Variants in KCNU1 observed in about 807,000 individuals in gnomAD.
KCNU1 encodes the protein potassium calcium-activated channel subfamily U member 1.
In KCNU1, 93 loss-of-function variants were observed where a neutral mutation model predicts 126.8. That is an observed-to-expected ratio of 0.73 (90% CI 0.62 to 0.87). The LOEUF (loss-of-function observed/expected upper bound fraction) is 0.87. Ranked by LOEUF, KCNU1 falls within the 40% of genes least tolerant of loss-of-function variation. KCNU1 has a pLI of 0.00. For missense variants in KCNU1, 1,330 were observed against 1,367.1 expected, an observed-to-expected ratio of 0.97 and a Z score of 0.43; for synonymous variants, 523 against 494.2, an observed-to-expected ratio of 1.06 and a Z score of -0.77.
chr8:36,898,547 C>A (rs2117476980), intron 19 of KCNU1, among the ~76,000 whole-genome samples: 1 of 151,894 alleles, frequency 6.6e-6, no homozygotes, highest in Non-Finnish European at 1.5e-5. Flanking sequence ...CTCCGATTCC[C>A]CATCTCCATA....
chr8:36,911,385 AT>A (rs1382157642), intron 22 of KCNU1, among the ~76,000 whole-genome samples: 2 of 152,132 alleles, frequency 1.3e-5, no homozygotes, highest in African/African-American at 4.8e-5. Context: ...AAATAACATA[AT>A]TTTGAAGTGT....
In KCNU1 at chr8:36,909,342, G is replaced by A. The variant is rs760952124; in HGVS notation, c.2138G>A (p.Arg713Gln). 91 of 1,613,352 alleles carry A rather than the reference G, an allele frequency of 5.6e-5. No individual in the cohort carries two copies. The highest frequency in any genetic ancestry group is 8.3e-5 in the Admixed American group (5 of 59,982). Residue 713 changes from arginine (R) to glutamine (Q), a missense_variant, in exon 21 of 27, where the codon CGG becomes CAG. Arg to Gln is a conservative substitution (Grantham distance 43, BLOSUM62 1). Around this residue, in one of 3 missense-constraint regions of KCNU1, gnomAD observed 1,054 missense variants for 1,053.9 expected, o/e 1.00. Transcript: ENST00000399881. ...KRTGKSKYKFRNHIVACVFGD... is the reference protein window; with the variant it reads ...KRTGKSKYKFQNHIVACVFGD... ...ACTGGCAAGTCAAAGTATAAGTTTC[G>A]GAACCATATTGTAGCATGTGTATTT...
Position 36,787,300 on chromosome 8 carries a change from T to C in KCNU1, c.196-6T>C. On this transcript the variant is annotated splice_polypyrimidine_tract_variant and splice_region_variant and intron_variant, in intron 1 of 26. Coordinates refer to ENST00000399881, the MANE Select transcript of KCNU1 (RefSeq NM_001031836.3). ...CACATTGTCAATTTCTTTCTCTTGATTGTAGGAACTGTTCACATCAGGTAC... is the reference window on the plus strand; with the variant it reads ...CACATTGTCAATTTCTTTCTCTTGACTGTAGGAACTGTTCACATCAGGTAC... 1 of 1,604,718 alleles carries C rather than the reference T, an allele frequency of 6.2e-7. No homozygotes were observed. The highest frequency in any genetic ancestry group is 8.5e-7 in the Non-Finnish European group (1 of 1,175,082).
At chr8:36,800,449 C>T (rs1803262546) in intron 2 of KCNU1, among the ~76,000 whole-genome samples, 1 of 152,186 alleles carries the variant, frequency 6.6e-6, no homozygotes, top group South Asian at 2.1e-4. Flanking sequence ...ATGAGGTCTC[C>T]ACTCTTTCAG....
At chr8:36,923,678 A>G (rs1444199756) in intron 24 of KCNU1, among the ~76,000 whole-genome samples, 1 of 152,210 alleles carries the variant, frequency 6.6e-6, no homozygotes, top group Non-Finnish European at 1.5e-5. Flanking sequence ...AAAAGCAGAC[A>G]TATTTATCCC....
intron 22 of KCNU1, among the ~76,000 whole-genome samples, chr8:36,915,506 C>G (rs529538956): frequency 6.6e-6 from 1 of 152,190 alleles, no homozygotes; most frequent in Non-Finnish European, 1.5e-5. Flanking sequence ...CTTACAGCAG[C>G]CAGAGCTCTT....
rs755183540 is a variant in KCNU1, at chr8:36,804,043, T to C, written c.332T>C (p.Val111Ala). 7.1e-6 allele frequency: 11 copies of C among 1,558,632 alleles called. No homozygotes were observed. In the East Asian group the frequency reaches 2.3e-4, roughly 33 times the overall value. ...VGQVLVILVF[V>A]LSIGSLIIYF... Reference sequence around the variant, plus strand: ...CATTTTCAGGTGATCCTTGTCTTTGTACTAAGCATTGGGTCTCTTATAATC... The same window carrying C: ...CATTTTCAGGTGATCCTTGTCTTTGCACTAAGCATTGGGTCTCTTATAATC... The change falls in exon 3 of 27, where the codon GTA becomes GCA. Residue 111 changes from valine (V) to alanine (A), a missense_variant. Val to Ala is a moderately conservative substitution (Grantham distance 64). Coordinates refer to ENST00000399881, the MANE Select transcript of KCNU1 (RefSeq NM_001031836.3).
chr8:36,890,458 A>G (rs1806914749), intron 19 of KCNU1, among the ~76,000 whole-genome samples: 3 of 152,032 alleles, frequency 2.0e-5, no homozygotes, highest in Admixed American at 1.3e-4. Context: ...TAAATCAGTT[A>G]AAAATATATA....
At position 36,929,141 on chromosome 8, in the gene KCNU1, G is replaced by A. The variant is rs146777466; in HGVS notation, c.2737-1810G>A. ...TCATGCCTGTAATCCCAGCACTTTG[G>A]GAGGCCAAGGTAGGTGGATCTCTTG... On this transcript the variant is annotated intron_variant, in intron 24 of 26. Transcript: ENST00000399881. The A allele has an allele frequency of 1.6e-3, 954 of 595,934 alleles. 4 individuals are homozygous for A. The highest frequency in any genetic ancestry group is 2.5e-3 in the Non-Finnish European group (843 of 331,916). The allele number at this position is 595,934 out of a possible 1,614,324, so 36.9% of individuals were successfully genotyped here.
At chr8:36,824,664 T>C (rs1181456452) in intron 10 of KCNU1, among the ~76,000 whole-genome samples, 1 of 152,170 alleles carries the variant, frequency 6.6e-6, no homozygotes, top group Non-Finnish European at 1.5e-5. Context: ...GTTCGGACAT[T>C]ATATCTTATT....
intron 19 of KCNU1, among the ~76,000 whole-genome samples, chr8:36,869,346 G>A (rs1806020454): frequency 6.6e-6 from 1 of 152,040 alleles, no homozygotes; most frequent in South Asian, 2.1e-4. Flanking sequence ...TCCCTATTGG[G>A]TCTGCTTAAG....
chr8:36,812,256 T>A (rs1442790436), intron 7 of KCNU1, among the ~76,000 whole-genome samples: 1 of 151,592 alleles, frequency 6.6e-6, no homozygotes, highest in Non-Finnish European at 1.5e-5. Context: ...GGCAGGCACC[T>A]GCAATCCCAG....
chr8:36,852,142 A>G (rs1460910759), intron 18 of KCNU1, among the ~76,000 whole-genome samples: 1 of 151,892 alleles, frequency 6.6e-6, no homozygotes, highest in African/African-American at 2.4e-5. Context: ...TGGTTTTTAT[A>G]TTTTATTCTA....
intron 19 of KCNU1, chr8:36,889,381 C>G (rs1423350409): frequency 2.5e-6 from 1 of 397,552 alleles, no homozygotes; most frequent in Non-Finnish European, 5.1e-6. Flanking sequence ...CAACACAACA[C>G]CAGAGATTAA....
At chr8:36,925,915 T>TG (rs1189345340) in intron 24 of KCNU1, among the ~76,000 whole-genome samples, 1 of 152,150 alleles carries the variant, frequency 6.6e-6, no homozygotes, top group Admixed American at 6.5e-5. Context: ...AAGGCAGTTG[T>TG]GGGTCCTGGA....
chr8:36,849,184 T>C (rs1357453023), intron 18 of KCNU1, among the ~76,000 whole-genome samples: 4 of 152,046 alleles, frequency 2.6e-5, no homozygotes, highest in Admixed American at 1.3e-4. Context: ...TTACCTATAC[T>C]GGTCATTTCA....
At chr8:36,819,709 A>G (rs1255349526) in intron 10 of KCNU1, among the ~76,000 whole-genome samples, 2 of 149,800 alleles carry the variant, frequency 1.3e-5, no homozygotes, top group Non-Finnish European at 3.0e-5. Context: ...GGTGTCCTCT[A>G]ATTTCCTTCT....
intron 26 of KCNU1, among the ~76,000 whole-genome samples, chr8:36,934,820 T>A (rs1356100056): frequency 1.3e-5 from 2 of 152,134 alleles, no homozygotes; most frequent in Non-Finnish European, 2.9e-5. Flanking sequence ...GCTGCACTCA[T>A]TACTTCAACT....
At chr8:36,924,311 G>C (rs1324110001) in intron 24 of KCNU1, among the ~76,000 whole-genome samples, 1 of 152,222 alleles carries the variant, frequency 6.6e-6, no homozygotes, top group Admixed American at 6.5e-5. Flanking sequence ...TGAACTTGCT[G>C]CCTCCTGGAG....
Sources: gnomAD v4.1 joint callset for allele counts (sites outside exome capture counted in the v4.1 genomes callset) on GRCh38, gnomAD v4.1.1 for gene constraint, gnomAD v4.1.1 regional missense constraint, MANE v1.5 for transcripts, NCBI Gene and HGNC (gene_info 2026-07-23, HGNC 2026-07-21) for gene names.